Variants in PARD3 observed in about 807,000 individuals in gnomAD.
The protein encoded by PARD3 is par-3 family cell polarity regulator.
PARD3 carries 75 observed loss-of-function variants against 155.4 expected under a neutral mutation model. The observed-to-expected ratio is 0.48, with a 90% CI of 0.40 to 0.58. PARD3 has a LOEUF of 0.58. PARD3 is among the 20% of genes least tolerant of loss of function. PARD3 has a pLI of 0.00. For synonymous variants in PARD3, 576 were observed against 610.5 expected (o/e 0.94, Z 0.83); for missense variants, 1,642 against 1,721.7 (o/e 0.95, Z 0.82).
intron 4 of PARD3, 106 bp downstream of exon 4, chr10:34,469,979 G>A: frequency 1.2e-6 from 1 of 846,632 alleles, no homozygotes; most frequent in Admixed American, 2.9e-5. Context: ...AGGCCATCAT[G>A]AAGATGCCCT....
At chr10:34,248,202 G>T (rs974313602) in intron 22 of PARD3, among the ~76,000 whole-genome samples, 2 of 152,176 alleles carry the variant, frequency 1.3e-5, no homozygotes, top group South Asian at 4.1e-4. Flanking sequence ...TTCACTGGCA[G>T]AGAAAAGAAG....
At chr10:34,518,010 C>T (rs77023690) in intron 2 of PARD3, among the ~76,000 whole-genome samples, 2,417 of 152,252 alleles carry the variant, frequency 0.016, 65 homozygotes, top group African/African-American at 0.055. Context: ...TCCCAAGTAG[C>T]GGGGATTACA....
chr10:34,575,634 G>A (rs574743167), intron 2 of PARD3, among the ~76,000 whole-genome samples: 65 of 152,314 alleles, frequency 4.3e-4, no homozygotes, highest in Middle Eastern at 6.8e-3. Flanking sequence ...GGTGGCTCAT[G>A]CCTGTAATCC....
intron 3 of PARD3, among the ~76,000 whole-genome samples, chr10:34,477,392 C>A (rs555899607): frequency 6.6e-6 from 1 of 152,316 alleles, no homozygotes; most frequent in South Asian, 2.1e-4. Context: ...CACAGAGCGA[C>A]TGGTGCGATG....
intron 1 of PARD3, among the ~76,000 whole-genome samples, chr10:34,704,364 T>C (rs1459325596): frequency 6.6e-6 from 1 of 152,180 alleles, no homozygotes; most frequent in Non-Finnish European, 1.5e-5. Context: ...ATAAAAATAA[T>C]GTGAACCTAG....
chr10:34,441,131 T>C (rs1053674349), intron 5 of PARD3, among the ~76,000 whole-genome samples: 1 of 152,134 alleles, frequency 6.6e-6, no homozygotes, highest in African/African-American at 2.4e-5. Flanking sequence ...ACACCAGGGA[T>C]GAAAATAAAC....
chr10:34,271,013 T>C (rs1462951145), intron 21 of PARD3, among the ~76,000 whole-genome samples: 2 of 152,184 alleles, frequency 1.3e-5, no homozygotes, highest in Admixed American at 1.3e-4. Context: ...AATAAAATTT[T>C]AATGGAAAAA....
chr10:34,242,097 T>C (rs1471554911), intron 22 of PARD3, among the ~76,000 whole-genome samples: 1 of 152,222 alleles, frequency 6.6e-6, no homozygotes, highest in Non-Finnish European at 1.5e-5. Flanking sequence ...GTTGCTATCA[T>C]ATACATCTTC....
At chr10:34,437,713 A>G (rs1464398548) in intron 5 of PARD3, among the ~76,000 whole-genome samples, 3 of 152,188 alleles carry the variant, frequency 2.0e-5, no homozygotes, top group Admixed American at 6.5e-5. Context: ...CAAGTAAAAT[A>G]CGTAATATTT....
intron 4 of PARD3, among the ~76,000 whole-genome samples, chr10:34,464,045 A>G (rs1194055761): frequency 1.3e-5 from 2 of 152,134 alleles, no homozygotes; most frequent in South Asian, 2.1e-4. Context: ...TAAGCAAGGC[A>G]TGACTATATT....
intron 20 of PARD3, among the ~76,000 whole-genome samples, chr10:34,307,035 C>T (rs939741276): frequency 1.5e-5 from 2 of 136,096 alleles, no homozygotes. Context: ...TACAGGCACC[C>T]GCCACCACGC....
At chr10:34,747,804 G>A (rs1371485903) in intron 1 of PARD3, among the ~76,000 whole-genome samples, 1 of 152,250 alleles carries the variant, frequency 6.6e-6, no homozygotes, top group African/African-American at 2.4e-5. Context: ...GGCTTTTATA[G>A]GATGGTTCTG....
chr10:34,769,771 CA>C (rs1352615475), intron 1 of PARD3, among the ~76,000 whole-genome samples: 1 of 60,246 alleles, frequency 1.7e-5, no homozygotes, highest in Non-Finnish European at 3.0e-5. Flanking sequence ...TTTAAAAAAA[CA>C]AACAAACAAA....
intron 22 of PARD3, among the ~76,000 whole-genome samples, chr10:34,268,736 C>G (rs1051528344): frequency 6.6e-6 from 1 of 151,858 alleles, no homozygotes. Flanking sequence ...AATGAGAACA[C>G]TTGGACACAG....
At chr10:34,137,929 C>T (rs1947989115) in intron 22 of PARD3, among the ~76,000 whole-genome samples, 1 of 152,200 alleles carries the variant, frequency 6.6e-6, no homozygotes, top group African/African-American at 2.4e-5. Flanking sequence ...CTCAGACCGC[C>T]CCCACACCAA....
chr10:34,740,265 G>A (rs947982699), intron 1 of PARD3, among the ~76,000 whole-genome samples: 4 of 152,338 alleles, frequency 2.6e-5, no homozygotes, highest in Admixed American at 2.6e-4. Context: ...TGGGAGCTGA[G>A]CTGCAGGAGA....
intron 1 of PARD3, among the ~76,000 whole-genome samples, chr10:34,762,254 G>A (rs531673254): frequency 7.4e-6 from 1 of 135,416 alleles, no homozygotes; most frequent in East Asian, 2.9e-4. Context: ...GGCAGGGAGG[G>A]AGAGGGAGAG....
At chr10:34,514,004 G>A (rs1251617366) in intron 3 of PARD3, among the ~76,000 whole-genome samples, 1 of 152,132 alleles carries the variant, frequency 6.6e-6, no homozygotes, top group Non-Finnish European at 1.5e-5. Context: ...ACAAAAAAAA[G>A]CTCAGGGCTA....
chr10:34,531,427 C>G (rs2082847469), intron 2 of PARD3, among the ~76,000 whole-genome samples: 1 of 152,150 alleles, frequency 6.6e-6, no homozygotes, highest in Admixed American at 6.6e-5. Context: ...AGCTTTAAAT[C>G]CTTCAGCTTC....
Sources: gnomAD v4.1 joint callset for allele counts (sites outside exome capture counted in the v4.1 genomes callset) on GRCh38, gnomAD v4.1.1 for gene constraint, MANE v1.5 for transcripts, NCBI Gene and HGNC (gene_info 2026-07-23, HGNC 2026-07-21) for gene names.